The following RRAGB variants were observed in gnomAD, a reference collection of about 807,000 sequenced individuals.
RRAGB encodes Ras related GTP binding B.
In RRAGB, 6 loss-of-function variants were observed where a neutral mutation model predicts 29.3. That is an observed-to-expected ratio of 0.21 (90% confidence interval 0.11 to 0.40). The LOEUF (loss-of-function observed/expected upper bound fraction) is 0.40, where lower values mean the gene tolerates loss of function less well. RRAGB is among the 10% of genes least tolerant of loss of function. The pLI is 1.00. For missense variants in RRAGB, 184 were observed against 272.9 expected, an observed-to-expected ratio of 0.67 and a Z score of 2.29; for synonymous variants, 101 against 92.5, an observed-to-expected ratio of 1.09 and a Z score of -0.53.
At chrX:55,726,912 A>T (rs1356199334) in intron 3 of RRAGB, among the ~76,000 whole-genome samples, 2 of 111,599 alleles carry the variant, frequency 1.8e-5, no homozygotes, top group African/African-American at 6.5e-5. Flanking sequence ...GGCAAATAAA[A>T]TAATAAGAAT....
chrX:55,723,035 T>C (rs2033342845), intron 3 of RRAGB, among the ~76,000 whole-genome samples: 1 of 111,601 alleles, frequency 9.0e-6, no homozygotes, highest in South Asian at 3.8e-4. Context: ...ACACAGTATG[T>C]TTCAGACCCT....
chrX:55,756,731 G>GT (rs1360634560), intron 8 of RRAGB, among the ~76,000 whole-genome samples: 1 of 112,372 alleles, frequency 8.9e-6, no homozygotes, highest in Non-Finnish European at 1.9e-5. Context: ...TATTGAAGAA[G>GT]TCTTCTGAAA....
Position 55,753,401 on chromosome X carries a change from A to G in RRAGB, c.622A>G (p.Ser208Gly). The G allele has an allele frequency of 8.3e-7, 1 of 1,200,514 alleles. No individual in the cohort carries two copies. ...WDETLYKAWS[S>G]IVYQLIPNVQ... ...GTTTCTGTTCTGTTAGGCTTGGTCC[A>G]GCATAGTTTATCAGCTGATTCCCAA... The change falls in exon 7 of 10, where the codon AGC becomes GGC. Residue 208 changes from serine (S) to glycine (G), a missense_variant. Transcript: ENST00000374941.
At position 55,758,303 on chromosome X, in the gene RRAGB, A is replaced by G. The variant is rs769552093; in HGVS notation, c.1001A>G (p.Glu334Gly). Residue 334 changes from glutamate to glycine, a missense_variant, in exon 10 of 10, where the codon GAA (glutamate) becomes GGA (glycine). Physicochemically the swap from Glu to Gly is moderately conservative, Grantham distance 98 (BLOSUM62 -2). Transcript: ENST00000374941. ...RNARKHFEKL[E>G]RVDGPKQCLL... is the part of the protein sequence containing the mutation. ...GCCAGGAAACACTTTGAAAAGCTGG[A>G]AAGAGTGGATGGACCAAAGCAGTGT... 5 of 1,205,044 alleles carry G rather than the reference A, an allele frequency of 4.1e-6. No homozygotes were observed. The highest frequency in any genetic ancestry group is 5.9e-5 in the East Asian group (2 of 33,734).
chrX:55,727,423 A>G (rs781746465), intron 3 of RRAGB: 1 of 629,285 alleles, frequency 1.6e-6, no homozygotes, highest in South Asian at 2.3e-5. Context: ...AGGAGGGGGA[A>G]GTAAAGGGGA....
intron 2 of RRAGB, among the ~76,000 whole-genome samples, chrX:55,721,246 G>C (rs1331095754): frequency 8.9e-6 from 1 of 111,844 alleles, no homozygotes; most frequent in Non-Finnish European, 1.9e-5. Flanking sequence ...AGAGTCTTCT[G>C]AGAGAGAAGG....
At chrX:55,738,568 C>A (rs1433820624) in intron 5 of RRAGB, among the ~76,000 whole-genome samples, 3 of 112,650 alleles carry the variant, frequency 2.7e-5, no homozygotes, top group African/African-American at 9.7e-5. Context: ...AGGCTCAAGA[C>A]CTCCCGATTA....
rs909717094 is a variant in RRAGB, at chrX:55,718,324, C to T, written c.-4C>T. 3 of 1,194,518 alleles carry T rather than the reference C, an allele frequency of 2.5e-6. No homozygotes were observed. Among genetic ancestry groups the T allele is most frequent in the East Asian group, 3.0e-5 (1 of 33,634 alleles). ...AGAAGGGACTGGAAAGGACTTGTTG[C>T]GCAATGGAAGAATCTGACTCTGAGA... On this transcript the variant is annotated 5_prime_UTR_variant, in exon 1 of 10. Transcript: ENST00000374941.
Position 55,758,595 on chromosome X carries a change from T to C in RRAGB, c.*252T>C, listed in dbSNP as rs2034713409. 2.1e-5 allele frequency: 5 copies of C among 237,311 alleles called. No individual in the cohort carries two copies. Among genetic ancestry groups the C allele is most frequent in the Middle Eastern group, 2.5e-3 (2 of 803 alleles). The allele number at this position is 237,311 out of a possible 1,213,427, so 19.6% of individuals were successfully genotyped here. The stretch of plus-strand genomic sequence containing the variant: ...TTTTCTGATAACAAGGTTCTAATAG[T>C]GTTTAAATGTACTGGTAACCTGGTT... On this transcript the variant is annotated 3_prime_UTR_variant, in exon 10 of 10. Coordinates refer to ENST00000374941, the MANE Select transcript of RRAGB (RefSeq NM_006064.5).
chrX:55,724,416 C>T (rs1011643425), intron 3 of RRAGB, among the ~76,000 whole-genome samples: 1 of 111,891 alleles, frequency 8.9e-6, no homozygotes, highest in South Asian at 3.7e-4. Flanking sequence ...AGTTATCTTT[C>T]CTAACTCTAA....
intron 5 of RRAGB, among the ~76,000 whole-genome samples, chrX:55,744,641 C>T (rs1486053325): frequency 9.0e-6 from 1 of 111,512 alleles, no homozygotes; most frequent in Non-Finnish European, 1.9e-5. Context: ...AATAGCAAAC[C>T]AAGAACTGTT....
At chrX:55,754,893 T>C (rs1196083699) in intron 7 of RRAGB, among the ~76,000 whole-genome samples, 3 of 111,881 alleles carry the variant, frequency 2.7e-5, no homozygotes, top group African/African-American at 9.8e-5. Flanking sequence ...TTTTTCCTGC[T>C]AGTGTGAGTA....
chrX:55,734,838 T>C lies in RRAGB; in HGVS notation c.516+3252T>C, dbSNP rs182965967. Among the ~76,000 whole-genome samples the C allele has an allele frequency of 1.1e-4, 12 of 112,279 alleles. No individual in the cohort carries two copies. The East Asian group carries it at 3.3e-3, about 31-fold the overall frequency. On this transcript the variant is annotated intron_variant, in intron 5 of 9. Transcript: ENST00000374941. ...TTGATAACTTGTGTCAGTATTTTAA[T>C]TCATTTCAAAAAATTTTTCCATCTT... is the stretch of plus-strand genomic sequence containing the variant.
At chrX:55,729,202 G>T in intron 3 of RRAGB, 92 bp from the exon 4 acceptor site, 1 of 599,917 alleles carries the variant, frequency 1.7e-6, no homozygotes. Context: ...ACTCCACTTT[G>T]GTCCTTCTAA....
chrX:55,751,364 T>G (rs1602077533), intron 6 of RRAGB, 168 bp downstream of exon 6: 1 of 371,026 alleles, frequency 2.7e-6, no homozygotes, highest in African/African-American at 2.6e-5. Flanking sequence ...AACTTAACAT[T>G]AAGAGACTTG....
intron 7 of RRAGB, among the ~76,000 whole-genome samples, chrX:55,754,849 G>T (rs1262055052): frequency 9.0e-6 from 1 of 111,690 alleles, no homozygotes; most frequent in African/African-American, 3.3e-5. Flanking sequence ...ACTGGCAGAG[G>T]TCACTTGCTT....
intron 5 of RRAGB, among the ~76,000 whole-genome samples, chrX:55,739,711 T>G (rs1198026779): frequency 9.0e-6 from 1 of 111,637 alleles, no homozygotes. Context: ...GTTGAGTTCC[T>G]GTGTTCCTTC....
chrX:55,731,328 A>G, intron 4 of RRAGB, 36 bp from the exon 5 acceptor site: 1 of 1,034,314 alleles, frequency 9.7e-7, no homozygotes. Flanking sequence ...GATTGAATTG[A>G]GGATTTGCTT....
intron 2 of RRAGB, among the ~76,000 whole-genome samples, chrX:55,720,125 T>A (rs934182011): frequency 8.9e-6 from 1 of 112,219 alleles, no homozygotes; most frequent in African/African-American, 3.2e-5. Flanking sequence ...TAGCTTCATC[T>A]AATAATTCAG....
Sources: gnomAD v4.1 joint callset for allele counts (sites outside exome capture counted in the v4.1 genomes callset) on GRCh38, gnomAD v4.1.1 for gene constraint, MANE v1.5 for transcripts, NCBI Gene and HGNC (gene_info 2026-07-23, HGNC 2026-07-21) for gene names.